Variants in MIA3 observed in about 807,000 individuals in gnomAD.
The protein encoded by MIA3 is transport and Golgi organization protein 1 homolog.
MIA3 carries 90 observed loss-of-function variants against 192.4 expected under a neutral mutation model. That is an observed-to-expected ratio of 0.47 (90% CI 0.39 to 0.56). The LOEUF is 0.56. Ranked by LOEUF, MIA3 falls within the 20% of genes least tolerant of loss-of-function variation. The probability of loss-of-function intolerance (pLI) is 0.00; values close to 1 mark genes in which losing one functional copy is unlikely to be tolerated. For missense variants in MIA3, 2,123 were observed against 2,269.4 expected, an observed-to-expected ratio of 0.94 and a Z score of 1.31; for synonymous variants, 740 against 792.8, an observed-to-expected ratio of 0.93 and a Z score of 1.12.
Position 222,630,191 on chromosome 1 carries a change from G to A in MIA3, c.2971G>A (p.Glu991Lys). Residue 991 changes from glutamate to lysine, a missense_variant, in exon 4 of 28, where the codon GAA (glutamate) becomes AAA (lysine). Around this residue, in one of 3 missense-constraint regions of MIA3, gnomAD observed 1,357 missense variants for 1,396.1 expected, o/e 0.97. Transcript: ENST00000344922. ...TGAGTCACAAATTCTGAGCATAGCA[G>A]AAAAAATGCTTGATACTCGTGTGGC... is the stretch of plus-strand genomic sequence containing the variant. ...ASESQILSIAEKMLDTRVAEN... is the reference protein window; with the variant it reads ...ASESQILSIAKKMLDTRVAEN... 3 of 1,614,110 alleles carry A rather than the reference G, an allele frequency of 1.9e-6. No homozygotes were observed. The highest frequency in any genetic ancestry group is 1.7e-6 in the Non-Finnish European group (2 of 1,180,000).
intron 26 of MIA3, among the ~76,000 whole-genome samples, chr1:222,663,763 A>G (rs905163048): frequency 6.6e-6 from 1 of 152,158 alleles, no homozygotes; most frequent in Non-Finnish European, 1.5e-5. Flanking sequence ...GTTCCCTTCC[A>G]TTTGCAGATG....
At chr1:222,654,120 T>C in intron 15 of MIA3, 123 bp from the exon 16 acceptor site, 1 of 896,956 alleles carries the variant, frequency 1.1e-6, no homozygotes, top group Non-Finnish European at 1.7e-6. Flanking sequence ...AATCCTTTTC[T>C]GTTTTTGTTT....
intron 27 of MIA3, chr1:222,664,917 C>T (rs1664202270): frequency 4.3e-6 from 2 of 467,934 alleles, no homozygotes; most frequent in Middle Eastern, 3.6e-4. Flanking sequence ...TGGCTCACGC[C>T]TGTAATCCCA....
At chr1:222,627,330 A>G (rs894278092) in intron 3 of MIA3, among the ~76,000 whole-genome samples, 2 of 152,190 alleles carry the variant, frequency 1.3e-5, no homozygotes, top group Non-Finnish European at 2.9e-5. Flanking sequence ...CTCACCAGCC[A>G]CATGAATCAT....
At chr1:222,631,988 A>G (rs1343690927) in intron 4 of MIA3, among the ~76,000 whole-genome samples, 177 bp from the exon 5 acceptor site, 1 of 152,236 alleles carries the variant, frequency 6.6e-6, no homozygotes, top group Non-Finnish European at 1.5e-5. Context: ...TATGTAGATT[A>G]GTCATCCTTT....
chr1:222,650,851 T>A lies in MIA3; in HGVS notation c.3857T>A (p.Leu1286His), dbSNP rs1469900677. Residue 1286 changes from leucine to histidine, a missense_variant, in exon 11 of 28, where the codon CTT becomes CAT. Physicochemically the swap from Leu to His is moderately conservative, Grantham distance 99. This residue lies in a region of MIA3 where 762 missense variants were observed against 856.4 expected (regional missense o/e 0.89). Coordinates refer to ENST00000344922, the MANE Select transcript of MIA3 (RefSeq NM_198551.4). ...QEILDDTAKN[L>H]RVMLESEREQ... ...ATTCTGGATGACACAGCTAAAAATC[T>A]TCGTGTTATGCTAGAATCTGAGAGA... The A allele has an allele frequency of 6.2e-7, 1 of 1,610,892 alleles. No homozygotes were observed. Among genetic ancestry groups the A allele is most frequent in the Admixed American group, 1.7e-5 (1 of 59,480 alleles).
chr1:222,645,503 T>G, intron 6 of MIA3, 51 bp from the exon 7 acceptor site: 7 of 1,516,044 alleles, frequency 4.6e-6, no homozygotes, highest in Non-Finnish European at 6.2e-6. Context: ...TGCTTTATGG[T>G]AAGCTTCTTT....
chr1:222,630,448 G>A (rs1662347735), intron 4 of MIA3, 59 bp downstream of exon 4: 4 of 1,503,114 alleles, frequency 2.7e-6, no homozygotes, highest in Non-Finnish European at 3.6e-6. Context: ...GGGTCGCTGA[G>A]GTGCCTCCTA....
intron 6 of MIA3, 31 bp from the exon 7 acceptor site, chr1:222,645,523 C>T: frequency 6.4e-7 from 1 of 1,557,882 alleles, no homozygotes; most frequent in Non-Finnish European, 8.7e-7. Context: ...TAAGGTTTCT[C>T]ATTATTTCTA....
In MIA3 at chr1:222,659,468, A is replaced by G. The variant is rs1663896662; in HGVS notation, c.4725A>G (p.Glu1575=). ...EVKTYKRRIE[E]MEDELQKTER... ...TAATTCTTAGGCGGAGAATTGAAGA[A>G]ATGGAGGATGAATTACAGAAGACAG... Residue 1575 remains glutamate, a synonymous_variant, in exon 20 of 28, where the codon GAA becomes GAG. Coordinates refer to ENST00000344922, the MANE Select transcript of MIA3 (RefSeq NM_198551.4). 4 of 1,613,948 alleles carry G rather than the reference A, an allele frequency of 2.5e-6. No individual in the cohort carries two copies. Among genetic ancestry groups the G allele is most frequent in the South Asian group, 2.2e-5 (2 of 91,078 alleles).
In MIA3 at chr1:222,618,118, C is replaced by T. The variant is rs867904392; in HGVS notation, c.8C>T (p.Ala3Val). 3 of 1,486,676 alleles carry T rather than the reference C, an allele frequency of 2.0e-6. No individual in the cohort carries two copies. The highest frequency in any genetic ancestry group is 2.9e-5 in the East Asian group (1 of 34,172). 92.1% of individuals were successfully genotyped at this position (1,486,676 alleles called of 1,614,324 possible). Reference sequence around the variant, plus strand: ...CCCCGAGGTGACCACAACATGGCTGCGGCGCCTGGGCTGCTCGTCTGGCTG... The same window carrying T: ...CCCCGAGGTGACCACAACATGGCTGTGGCGCCTGGGCTGCTCGTCTGGCTG... Reference protein sequence around the residue: MAAAPGLLVWLLV... With the variant: MAVAPGLLVWLLV... The change falls in exon 1 of 28, where the codon GCG (alanine) becomes GTG (valine). Residue 3 changes from alanine (A) to valine (V), a missense_variant. Physicochemically the swap from Ala to Val is moderately conservative, Grantham distance 64. Around this residue, in one of 3 missense-constraint regions of MIA3, gnomAD observed 1,357 missense variants for 1,396.1 expected, o/e 0.97. Transcript: ENST00000344922.
chr1:222,650,553 T>C, intron 9 of MIA3, 81 bp from the exon 10 acceptor site: 1 of 1,024,704 alleles, frequency 9.8e-7, no homozygotes, highest in Non-Finnish European at 1.5e-6. Flanking sequence ...TTTTCTTCTG[T>C]AAGAGGTCAG....
At position 222,628,494 on chromosome 1, in the gene MIA3, A is replaced by C; in HGVS notation, c.1274A>C (p.Gln425Pro). The change falls in exon 4 of 28, where the codon CAG becomes CCG. Residue 425 changes from glutamine (Q) to proline (P), a missense_variant. Physicochemically the swap from Gln to Pro is moderately conservative, Grantham distance 76 (BLOSUM62 -1). Coordinates refer to ENST00000344922, the MANE Select transcript of MIA3 (RefSeq NM_198551.4). ...DDDALVPDSK[Q>P]GKPQSATDYS... is the part of the protein sequence containing the mutation. ...GATGCATTAGTCCCAGATAGCAAAC[A>C]GGGGAAACCACAGTCAGCAACAGAT... The C allele has an allele frequency of 6.2e-7, 1 of 1,613,504 alleles. No individual in the cohort carries two copies. The highest frequency in any genetic ancestry group is 8.5e-7 in the Non-Finnish European group (1 of 1,179,846).
At position 222,659,523 on chromosome 1, in the gene MIA3, C is replaced by T; in HGVS notation, c.4770+10C>T. On this transcript the variant is annotated intron_variant, in intron 20 of 27. Transcript: ENST00000344922. ...GTCATTTAAAAACCAGGTAATAATTCTAGTGCCCTACTATATAGTGCCCGG... is the reference window on the plus strand; with the variant it reads ...GTCATTTAAAAACCAGGTAATAATTTTAGTGCCCTACTATATAGTGCCCGG... The T allele has an allele frequency of 6.2e-7, 1 of 1,613,018 alleles. No individual in the cohort carries two copies. Among genetic ancestry groups the T allele is most frequent in the Non-Finnish European group, 8.5e-7 (1 of 1,179,104 alleles).
At position 222,659,461 on chromosome 1, in the gene MIA3, T is replaced by C. The variant is rs1663896491; in HGVS notation, c.4718T>C (p.Ile1573Thr). 4 of 1,613,788 alleles carry C rather than the reference T, an allele frequency of 2.5e-6. No individual in the cohort carries two copies. Among genetic ancestry groups the C allele is most frequent in the Non-Finnish European group, 3.4e-6 (4 of 1,179,842 alleles). Residue 1573 changes from isoleucine to threonine, a missense_variant, in exon 20 of 28, where the codon ATT becomes ACT. Ile to Thr is a moderately conservative substitution (Grantham distance 89). Transcript: ENST00000344922. ...AEEVKTYKRR[I>T]EEMEDELQKT... is the part of the protein sequence containing the mutation. ...CCAAGTGTAATTCTTAGGCGGAGAA[T>C]TGAAGAAATGGAGGATGAATTACAG...
chr1:222,623,409 T>C (rs1261069240), intron 2 of MIA3, among the ~76,000 whole-genome samples: 1 of 152,160 alleles, frequency 6.6e-6, no homozygotes, highest in East Asian at 1.9e-4. Flanking sequence ...TGTTTCCTTT[T>C]TCCAGGTTCT....
chr1:222,637,800 T>C (rs1240601883), intron 6 of MIA3, among the ~76,000 whole-genome samples: 2 of 151,344 alleles, frequency 1.3e-5, no homozygotes, highest in Non-Finnish European at 2.9e-5. Context: ...CAGGTGATCC[T>C]CCTACCTCAG....
chr1:222,659,075 T>TTATATG (rs1050043618), intron 19 of MIA3: 2 of 436,378 alleles, frequency 4.6e-6, no homozygotes, highest in African/African-American at 4.1e-5. Flanking sequence ...TTATATGATG[T>TTATATG]ATCAAAAGCC....
intron 13 of MIA3, 86 bp downstream of exon 13, chr1:222,652,418 A>G: frequency 2.2e-6 from 2 of 893,444 alleles, no homozygotes; most frequent in East Asian, 5.0e-5. Flanking sequence ...ATCTATTTTT[A>G]GGGTAATATA....
Sources: gnomAD v4.1 joint callset for allele counts (sites outside exome capture counted in the v4.1 genomes callset) on GRCh38, gnomAD v4.1.1 for gene constraint, gnomAD v4.1.1 regional missense constraint, MANE v1.5 for transcripts, NCBI Gene and HGNC (gene_info 2026-07-23, HGNC 2026-07-21) for gene names.